WDR17: variants seen among roughly 807,000 people sequenced by gnomAD.
WDR17 encodes the protein WD repeat-containing protein 17.
In WDR17, 143 loss-of-function variants were observed where a neutral mutation model predicts 161.7. The ratio of observed to expected loss-of-function variants is 0.88; its 90% CI spans 0.77 to 1.02. WDR17 has a LOEUF of 1.02. WDR17 is among the 50% of genes least tolerant of loss of function. The probability of loss-of-function intolerance (pLI) is 0.00; values close to 1 mark genes in which losing one functional copy is unlikely to be tolerated. For synonymous variants in WDR17, 517 were observed against 515.6 expected (o/e 1.00, Z -0.04); for missense variants, 1,469 against 1,520.9 (o/e 0.97, Z 0.57).
At chr4:176,167,017 A>G (rs1749873054) in intron 22 of WDR17, among the ~76,000 whole-genome samples, 1 of 152,232 alleles carries the variant, frequency 6.6e-6, no homozygotes, top group Admixed American at 6.5e-5. Context: ...TAAAAACATT[A>G]AAGTAAGCCT....
At position 176,125,278 on chromosome 4, in the gene WDR17, T is replaced by C; in HGVS notation, c.713T>C (p.Phe238Ser). Residue 238 changes from phenylalanine to serine, a missense_variant, in exon 5 of 29, where the codon TTT becomes TCT. Phe to Ser is a radical substitution (Grantham distance 155). Coordinates refer to ENST00000508596, the MANE Select transcript of WDR17 (RefSeq NM_181265.4). ...DSESLSCITT[F>S]NLPSAAASVQ... is the part of the protein sequence containing the mutation. The stretch of plus-strand genomic sequence containing the variant: ...GAATCACTTTCTTGCATAACAACAT[T>C]TAATCTTCCCAGTGCAGCAGCTTCT... The C allele has an allele frequency of 6.2e-7, 1 of 1,614,158 alleles. No homozygotes were observed. Among genetic ancestry groups the C allele is most frequent in the Non-Finnish European group, 8.5e-7 (1 of 1,180,014 alleles).
Position 176,149,844 on chromosome 4 carries a change from C to T in WDR17, c.1935C>T (p.Ala645=). The T allele has an allele frequency of 1.2e-6, 2 of 1,613,976 alleles. No individual in the cohort carries two copies. The highest frequency in any genetic ancestry group is 1.3e-5 in the African/African-American group (1 of 75,020). ...TCHPSRPFTM[A]SCSRDSTVRL... ...ATCCCAGTCGCCCCTTCACTATGGC[C>T]TCTTGCTCCCGTGACTCTACAGTGA... Residue 645 remains alanine, a synonymous_variant, in exon 14 of 29, where the codon GCC becomes GCT. Transcript: ENST00000508596.
chr4:176,151,913 C>G lies in WDR17; in HGVS notation c.2406C>G (p.His802Gln). ...GACTGAAGGAAGCTGCTGAAATCCA[C>G]TTGAGATTAGGACAAATTCAGAGAT... ...EERLKEAAEI[H>Q]LRLGQIQRYC... Residue 802 changes from histidine (H) to glutamine (Q), a missense_variant, in exon 17 of 29, where the codon CAC (histidine) becomes CAG (glutamine). Coordinates refer to ENST00000508596, the MANE Select transcript of WDR17 (RefSeq NM_181265.4). The G allele has an allele frequency of 6.2e-7, 1 of 1,613,302 alleles. No individual in the cohort carries two copies. The highest frequency in any genetic ancestry group is 8.5e-7 in the Non-Finnish European group (1 of 1,179,774).
intron 1 of WDR17, among the ~76,000 whole-genome samples, chr4:176,097,990 A>G (rs1737176845): frequency 6.6e-6 from 1 of 152,014 alleles, no homozygotes. Context: ...TTGTTAAAAT[A>G]TAGAAATAGA....
At chr4:176,109,215 A>C (rs1043200595) in intron 1 of WDR17, among the ~76,000 whole-genome samples, 5 of 152,322 alleles carry the variant, frequency 3.3e-5, no homozygotes, top group Middle Eastern at 3.4e-3. Flanking sequence ...AAATGTTATA[A>C]ATAGTAATTT....
rs75588937 is a variant in WDR17 at position 176,128,541 on chromosome 4, G to C, written c.791-197G>C. Among the ~76,000 whole-genome samples the C allele has an allele frequency of 9.5e-4, 145 of 152,218 alleles. 2 individuals are homozygous for C. The East Asian group carries it at 0.023, about 24-fold the overall frequency. Reference sequence around the variant, plus strand: ...TAAAAGGTTTTGGAGCAAAAAAATAGTAAAACATGCCAAAAATTTAAAGGT... The same window carrying C: ...TAAAAGGTTTTGGAGCAAAAAAATACTAAAACATGCCAAAAATTTAAAGGT... On this transcript the variant is annotated intron_variant, in intron 5 of 28. Transcript: ENST00000508596.
chr4:176,175,862 T>A (rs1194531811), intron 26 of WDR17, among the ~76,000 whole-genome samples: 1 of 151,300 alleles, frequency 6.6e-6, no homozygotes, highest in Non-Finnish European at 1.5e-5. Flanking sequence ...CCCGGCCGGT[T>A]AAGCAGTTTT....
intron 1 of WDR17, among the ~76,000 whole-genome samples, chr4:176,103,288 C>A (rs1738115531): frequency 2.0e-5 from 3 of 151,902 alleles, no homozygotes; most frequent in Admixed American, 1.3e-4. Context: ...CACAGACAGC[C>A]CACAACAATT....
intron 11 of WDR17, among the ~76,000 whole-genome samples, chr4:176,145,254 T>C (rs977842998): frequency 1.0e-5 from 1 of 95,868 alleles, no homozygotes; most frequent in Non-Finnish European, 2.5e-5. Context: ...TTCCTACTAC[T>C]CATAATTCCT....
chr4:176,175,937 A>G (rs970413069), intron 26 of WDR17, among the ~76,000 whole-genome samples: 1 of 152,118 alleles, frequency 6.6e-6, no homozygotes, highest in African/African-American at 2.4e-5. Context: ...ACTTCTCCCT[A>G]TTGCGTAGGT....
rs781726364 is a variant in WDR17 at position 176,149,805 on chromosome 4, A to C, written c.1898-2A>C. 1.2e-6 allele frequency: 2 copies of C among 1,607,644 alleles called. No homozygotes were observed. The highest frequency in any genetic ancestry group is 1.7e-6 in the Non-Finnish European group (2 of 1,178,578). Reference sequence around the variant, plus strand: ...CTTAAAATAGGTTTTTATTTTCATCAGGTTTAACCTGCCATCCCAGTCGCC... The same window carrying C: ...CTTAAAATAGGTTTTTATTTTCATCCGGTTTAACCTGCCATCCCAGTCGCC... On this transcript the variant is annotated splice_acceptor_variant, in intron 13 of 28. Coordinates refer to ENST00000508596, the MANE Select transcript of WDR17 (RefSeq NM_181265.4). LOFTEE classifies it high-confidence loss of function.
Position 176,160,126 on chromosome 4 carries a change from G to A in WDR17, c.2658G>A (p.Gln886=). ...TTAAAGAAGCTCTGCTTGTTGCACA[G>A]GTAAAACCACAGAACTACCCCAGTC... ...GQLKEALLVA[Q]AACEGNMQPL... is the part of the protein sequence containing the mutation. The change falls in exon 19 of 29, where the codon CAG becomes CAA. Residue 886 remains glutamine (Q), a splice_region_variant and synonymous_variant. Coordinates refer to ENST00000508596, the MANE Select transcript of WDR17 (RefSeq NM_181265.4). 1 of 1,613,168 alleles carries A rather than the reference G, an allele frequency of 6.2e-7. No homozygotes were observed. The highest frequency in any genetic ancestry group is 8.5e-7 in the Non-Finnish European group (1 of 1,179,470).
At position 176,111,679 on chromosome 4, in the gene WDR17, G is replaced by C; in HGVS notation, c.99G>C (p.Ala33=). The change falls in exon 2 of 29, where the codon GCG becomes GCC. Residue 33 remains alanine (A), a synonymous_variant. Transcript: ENST00000508596. ...AASGDRFAYC[A]TLAIYIYQLD... is the part of the protein sequence containing the mutation. ...GTGGAGACAGGTTTGCATATTGTGCGACCCTGGCTATCTATATTTATCAGG... is the reference window on the plus strand; with the variant it reads ...GTGGAGACAGGTTTGCATATTGTGCCACCCTGGCTATCTATATTTATCAGG... The C allele has an allele frequency of 6.3e-7, 1 of 1,599,718 alleles. No homozygotes were observed. The highest frequency in any genetic ancestry group is 8.5e-7 in the Non-Finnish European group (1 of 1,171,504).
At chr4:176,111,961 G>C (rs4690659) in intron 2 of WDR17, among the ~76,000 whole-genome samples, 49,051 of 151,960 alleles carry the variant, frequency 0.32, 8,689 homozygotes, top group East Asian at 0.43. Context: ...GTCCATTAGA[G>C]ATCATTATAG....
chr4:176,090,914 G>A lies in WDR17; in HGVS notation c.-6-20661G>A, dbSNP rs145416260. ...GGGCTCTGGCTAGTTATCTGCAGCA[G>A]GAGCATGTCCTTAAGGTACAGATTG... On this transcript the variant is annotated intron_variant, in intron 1 of 28. Coordinates refer to ENST00000508596, the MANE Select transcript of WDR17 (RefSeq NM_181265.4). 5.3e-5 allele frequency among the ~76,000 whole-genome samples: 8 copies of A among 152,348 alleles called. No homozygotes were observed. In the East Asian group the frequency reaches 1.5e-3, roughly 29 times the overall value.
At chr4:176,168,578 G>A (rs548343175) in intron 22 of WDR17, 94 bp from the exon 23 acceptor site, 2 of 1,425,142 alleles carry the variant, frequency 1.4e-6, no homozygotes, top group Admixed American at 1.9e-5. Flanking sequence ...AGCAAGAGTG[G>A]TATATTATAT....
intron 16 of WDR17, 91 bp from the exon 17 acceptor site, chr4:176,151,721 A>C (rs1045134471): frequency 1.7e-6 from 2 of 1,148,408 alleles, no homozygotes; most frequent in Non-Finnish European, 2.4e-6. Flanking sequence ...CCGCTCTATT[A>C]GTTATTTCAA....
chr4:176,179,579 A>C lies in WDR17; in HGVS notation c.3852A>C (p.Ter1284CysextTer1), dbSNP rs751924370. ...CTGGAATACGACTCAATCCATTCTG[A>C]TAGAAGATTTTTGTCCATGCTTGAT... Reference protein sequence around the residue: ...LGTGIRLNPF* With the variant: ...LGTGIRLNPFC Residue 1284 changes from the stop codon to cysteine, a stop_lost, in exon 29 of 29, where the codon TGA becomes TGC. Transcript: ENST00000508596. The C allele has an allele frequency of 5.4e-5, 83 of 1,546,112 alleles. No individual in the cohort carries two copies. Among genetic ancestry groups the C allele is most frequent in the Non-Finnish European group, 7.2e-5 (83 of 1,147,182 alleles).
At chr4:176,114,818 C>T (rs1357049485) in intron 2 of WDR17, among the ~76,000 whole-genome samples, 1 of 151,476 alleles carries the variant, frequency 6.6e-6, no homozygotes, top group African/African-American at 2.4e-5. Context: ...TAAACTCAGA[C>T]CTCAGTAGGA....
Sources: allele counts gnomAD v4.1 joint callset (sites outside exome capture counted in the v4.1 genomes callset), GRCh38; gene constraint gnomAD v4.1.1; transcripts MANE v1.5; gene names NCBI Gene and HGNC (gene_info 2026-07-23, HGNC 2026-07-21).